Variants in NEIL3 observed in about 807,000 individuals in gnomAD.
NEIL3 encodes nei like DNA glycosylase 3.
In NEIL3, 48 loss-of-function variants were observed where a neutral mutation model predicts 57.5. The observed-to-expected ratio is 0.83, with a 90% CI of 0.66 to 1.06. The LOEUF (loss-of-function observed/expected upper bound fraction) is 1.06, where lower values mean the gene tolerates loss of function less well. Ranked by LOEUF, NEIL3 falls within the 50% of genes least tolerant of loss-of-function variation. The probability of loss-of-function intolerance (pLI) is 0.00; values close to 1 mark genes in which losing one functional copy is unlikely to be tolerated. For missense variants in NEIL3, 717 were observed against 739.1 expected (o/e 0.97, Z 0.35); for synonymous variants, 261 against 253.2 (o/e 1.03, Z -0.29).
intron 2 of NEIL3, among the ~76,000 whole-genome samples, chr4:177,331,778 G>T (rs1186107610): frequency 6.6e-6 from 1 of 152,158 alleles, no homozygotes; most frequent in Non-Finnish European, 1.5e-5. Flanking sequence ...AGTCATTAGT[G>T]TCAGGGATTG....
chr4:177,360,776 T>A, intron 9 of NEIL3, 99 bp downstream of exon 9: 1 of 961,144 alleles, frequency 1.0e-6, no homozygotes, highest in Non-Finnish European at 1.5e-6. Flanking sequence ...ACCTTTTACC[T>A]TTAAATTTGA....
chr4:177,353,937 T>C (rs947252051), intron 8 of NEIL3: 1 of 516,518 alleles, frequency 1.9e-6, no homozygotes. Context: ...GACTAATTTT[T>C]GTATTTTCAG....
intron 2 of NEIL3, among the ~76,000 whole-genome samples, chr4:177,323,882 A>G (rs980749001): frequency 1.3e-5 from 2 of 152,152 alleles, no homozygotes; most frequent in African/African-American, 4.8e-5. Context: ...ATGAAGTTCT[A>G]AACAAGGACA....
At chr4:177,365,146 G>C (rs923049043), downstream of NEIL3, among the ~76,000 whole-genome samples, 4 of 152,138 alleles carry the variant, frequency 2.6e-5, no homozygotes, top group South Asian at 8.3e-4. Context: ...TGTGGAGTTG[G>C]CATGCTCTCC....
chr4:177,349,593 C>T (rs1458005113), intron 6 of NEIL3, among the ~76,000 whole-genome samples: 1 of 152,128 alleles, frequency 6.6e-6, no homozygotes, highest in Non-Finnish European at 1.5e-5. Context: ...CATCTGCAAA[C>T]CCTCCTTCTT....
chr4:177,317,231 A>AT (rs2111112015), intron 1 of NEIL3, among the ~76,000 whole-genome samples: 1 of 152,310 alleles, frequency 6.6e-6, no homozygotes, highest in African/African-American at 2.4e-5. Flanking sequence ...TTTAAAGATC[A>AT]TATTGTATGT....
At chr4:177,363,301 C>G (rs1312359095), downstream of NEIL3, among the ~76,000 whole-genome samples, 7 of 152,156 alleles carry the variant, frequency 4.6e-5, no homozygotes, top group African/African-American at 1.7e-4. Context: ...GTGGCTTGAA[C>G]CACTTTCCCG....
In NEIL3 at chr4:177,358,142, G is replaced by C. The variant is rs138658508; in HGVS notation, c.1461-2361G>C. 3.1e-3 allele frequency among the ~76,000 whole-genome samples: 474 copies of C among 152,232 alleles called. 3 individuals are homozygous for C. Among genetic ancestry groups the C allele is most frequent in the Non-Finnish European group, 5.3e-3 (363 of 68,014 alleles). On this transcript the variant is annotated intron_variant, in intron 8 of 9. Coordinates refer to ENST00000264596, the MANE Select transcript of NEIL3 (RefSeq NM_018248.3). ...CTTAATGTGCATATGAATCACCTGG[G>C]AATCCTGCTAACATGCAGATTCTGA...
rs554767757 is a variant in NEIL3 at position 177,317,591 on chromosome 4, T to G, written c.157-4868T>G. On this transcript the variant is annotated intron_variant, in intron 1 of 9. Coordinates refer to ENST00000264596, the MANE Select transcript of NEIL3 (RefSeq NM_018248.3). The stretch of plus-strand genomic sequence containing the variant: ...ACATCATTTTCCACGGTTAGAACTT[T>G]CTTTTCTTTTTTTTTTTTTTTTTTT... Among the ~76,000 whole-genome samples, 6 of 120,494 alleles carry G rather than the reference T, an allele frequency of 5.0e-5. No homozygotes were observed. The East Asian group carries it at 1.4e-3, about 29-fold the overall frequency. The allele number at this position is 120,494 out of a possible 152,430, so 79.0% of individuals were successfully genotyped here. A position where few individuals can be genotyped will look rare whatever the true frequency, so the allele number is the denominator to read the frequency against.
At chr4:177,367,086 A>AT (rs1735702200), downstream of NEIL3, among the ~76,000 whole-genome samples, 1 of 152,112 alleles carries the variant, frequency 6.6e-6, no homozygotes, top group Non-Finnish European at 1.5e-5. Flanking sequence ...TTCTTGAAGC[A>AT]TTTTTGTGAC....
intron 1 of NEIL3, among the ~76,000 whole-genome samples, chr4:177,317,815 T>C (rs1417697178): frequency 1.3e-5 from 2 of 151,986 alleles, no homozygotes; most frequent in African/African-American, 4.8e-5. Flanking sequence ...CAGTCTGGTC[T>C]CAAACTCCTG....
intron 1 of NEIL3, among the ~76,000 whole-genome samples, chr4:177,316,786 A>G (rs948585697): frequency 3.9e-5 from 6 of 152,192 alleles, no homozygotes; most frequent in African/African-American, 1.4e-4. Context: ...TGCAAGTCAC[A>G]GACAAGTAAT....
chr4:177,336,208 CAGAA>C lies in NEIL3; in HGVS notation c.517_520del (p.Lys173AlafsTer4). The C allele has an allele frequency of 6.2e-7, 1 of 1,614,054 alleles. No homozygotes were observed. ...GAGAGCAGAAAGTGAAGTTAAAAAACAGAAAGGCCGGATGCTAGGTGATGTGCTA... is the reference window on the plus strand; with the variant it reads ...GAGAGCAGAAAGTGAAGTTAAAAAACAGGCCGGATGCTAGGTGATGTGCTA... On this transcript the variant is annotated frameshift_variant, in exon 4 of 10. Transcript: ENST00000264596. LOFTEE classifies it high-confidence loss of function.
Position 177,330,970 on chromosome 4 carries a change from G to C in NEIL3, c.279-4718G>C, listed in dbSNP as rs563802787. ...TAAACACTATGAGGAATGACAAAGG[G>C]AACATTACTGCAGATCCTCAAGTTG... On this transcript the variant is annotated intron_variant, in intron 2 of 9. Transcript: ENST00000264596. Among the ~76,000 whole-genome samples, 3 of 152,188 alleles carry C rather than the reference G, an allele frequency of 2.0e-5. No individual in the cohort carries two copies. In the East Asian group the frequency reaches 5.8e-4, roughly 29 times the overall value.
At chr4:177,314,001 G>A (rs34757860) in intron 1 of NEIL3, among the ~76,000 whole-genome samples, 7 of 152,160 alleles carry the variant, frequency 4.6e-5, no homozygotes, top group South Asian at 2.1e-4. Context: ...CAAAGTGGGG[G>A]AAAAAAATCG....
At chr4:177,312,711 A>G (rs1393926879) in intron 1 of NEIL3, among the ~76,000 whole-genome samples, 2 of 152,202 alleles carry the variant, frequency 1.3e-5, no homozygotes, top group African/African-American at 2.4e-5. Context: ...AGAAAGAGGC[A>G]TTAAAAATTG....
intron 4 of NEIL3, among the ~76,000 whole-genome samples, chr4:177,338,090 A>G (rs920022477): frequency 6.6e-6 from 1 of 152,330 alleles, no homozygotes; most frequent in Admixed American, 6.5e-5. Context: ...AAGCACGTGC[A>G]CAATTACTGA....
chr4:177,337,166 TC>T (rs1734995577), intron 4 of NEIL3, among the ~76,000 whole-genome samples: 2 of 152,106 alleles, frequency 1.3e-5, no homozygotes, highest in South Asian at 4.1e-4. Context: ...ATAGCAATGT[TC>T]TAAGAGGGTA....
At chr4:177,346,250 T>C (rs996929654) in intron 6 of NEIL3, among the ~76,000 whole-genome samples, 1 of 152,150 alleles carries the variant, frequency 6.6e-6, no homozygotes, top group African/African-American at 2.4e-5. Context: ...CACTGTGATC[T>C]CGAACTCCTG....
Sources: allele counts gnomAD v4.1 joint callset (sites outside exome capture counted in the v4.1 genomes callset), GRCh38; gene constraint gnomAD v4.1.1; transcripts MANE v1.5; gene names NCBI Gene and HGNC (gene_info 2026-07-23, HGNC 2026-07-21).